The following ZNF525 variants were observed in gnomAD, a reference collection of about 807,000 sequenced individuals.
ZNF525 encodes zinc finger protein 525.
In ZNF525, 33 loss-of-function variants were observed where a neutral mutation model predicts 37.6. The observed-to-expected ratio is 0.88, with a 90% confidence interval of 0.67 to 1.17. The LOEUF (loss-of-function observed/expected upper bound fraction) is 1.17. Ranked by LOEUF, ZNF525 falls within the 50% of genes most tolerant of loss-of-function variation. The pLI, the probability that ZNF525 is intolerant of heterozygous loss-of-function variation, is 0.00. For synonymous variants in ZNF525, 170 were observed against 182.3 expected, an observed-to-expected ratio of 0.93 and a Z score of 0.54; for missense variants, 449 against 543.1, an observed-to-expected ratio of 0.83 and a Z score of 1.72.
In ZNF525 at chr19:53,382,283, C is replaced by T; in HGVS notation, c.*264C>T. On this transcript the variant is annotated 3_prime_UTR_variant, in exon 4 of 4. Coordinates refer to ENST00000474037, the MANE Select transcript of ZNF525 (RefSeq NM_001348156.2). ...TCAGTCATACATCATCCCTTACATG[C>T]CATCATAGACTTCATACTGGAGAGA... 2 of 1,432,888 alleles carry T rather than the reference C, an allele frequency of 1.4e-6. No individual in the cohort carries two copies. The highest frequency in any genetic ancestry group is 3.4e-5 in the Admixed American group (2 of 59,568). 88.8% of individuals were successfully genotyped at this position (1,432,888 alleles called of 1,614,324 possible). A position where few individuals can be genotyped will look rare whatever the true frequency, so the allele number is the denominator to read the frequency against.
intron 1 of ZNF525, among the ~76,000 whole-genome samples, chr19:53,370,678 A>G (rs1208406605): frequency 7.1e-6 from 1 of 141,508 alleles, no homozygotes; most frequent in Non-Finnish European, 1.6e-5. Context: ...GCAGTACCCC[A>G]AAAATGAAAA....
chr19:53,372,314 G>A lies in ZNF525; in HGVS notation c.15+18G>A, dbSNP rs745808322. 2 of 786,906 alleles carry A rather than the reference G, an allele frequency of 2.5e-6. No homozygotes were observed. Among genetic ancestry groups the A allele is most frequent in the South Asian group, 1.4e-5 (1 of 71,892 alleles). 48.7% of individuals were successfully genotyped at this position (786,906 alleles called of 1,614,324 possible). A position where few individuals can be genotyped will look rare whatever the true frequency, so the allele number is the denominator to read the frequency against. ...TTCCTCAGGTGAGACGATATTCTCAGTGGATTGTTCTGTCTCCTTCCTTTC... is the reference window on the plus strand; with the variant it reads ...TTCCTCAGGTGAGACGATATTCTCAATGGATTGTTCTGTCTCCTTCCTTTC... On this transcript the variant is annotated intron_variant, in intron 2 of 3. Coordinates refer to ENST00000474037, the MANE Select transcript of ZNF525 (RefSeq NM_001348156.2).
At chr19:53,376,660 C>T (rs914979977) in intron 3 of ZNF525, among the ~76,000 whole-genome samples, 1 of 152,162 alleles carries the variant, frequency 6.6e-6, no homozygotes, top group Non-Finnish European at 1.5e-5. Flanking sequence ...TCACCGCAGC[C>T]GGCTCCACAT....
In ZNF525 at chr19:53,383,118, G is replaced by A. The variant is rs2085579472; in HGVS notation, c.*1099G>A. ...TTTAATCAACAAGCACACCTTGCACGTCATCATAGAACTCATACTGGAGAG... is the reference window on the plus strand; with the variant it reads ...TTTAATCAACAAGCACACCTTGCACATCATCATAGAACTCATACTGGAGAG... On this transcript the variant is annotated 3_prime_UTR_variant, in exon 4 of 4. Transcript: ENST00000474037. The A allele has an allele frequency of 1.7e-5, 23 of 1,325,282 alleles. No individual in the cohort carries two copies. The highest frequency in any genetic ancestry group is 2.3e-5 in the South Asian group (2 of 85,632). 82.1% of individuals were successfully genotyped at this position (1,325,282 alleles called of 1,614,324 possible).
chr19:53,384,672 G>C lies in ZNF525; in HGVS notation c.*2653G>C, dbSNP rs1159683990. ...GCAAATCCACTGAATATGTTTGTTA[G>C]TTCCAGTACTATTTTGGTTGAGTCT... On this transcript the variant is annotated 3_prime_UTR_variant, in exon 4 of 4. Coordinates refer to ENST00000474037, the MANE Select transcript of ZNF525 (RefSeq NM_001348156.2). 3.4e-6 allele frequency: 1 copy of C among 297,216 alleles called. No homozygotes were observed. The highest frequency in any genetic ancestry group is 6.2e-5 in the East Asian group (1 of 16,010). 18.4% of individuals were successfully genotyped at this position (297,216 alleles called of 1,614,324 possible).
chr19:53,367,775 C>CTAT (rs1346253595), intron 1 of ZNF525, among the ~76,000 whole-genome samples: 65 of 152,272 alleles, frequency 4.3e-4, no homozygotes, highest in African/African-American at 1.5e-3. Context: ...ACTCCTCCTT[C>CTAT]CTAGGCTAGG....
rs2085593312 is a variant in ZNF525 at position 53,384,739 on chromosome 19, G to A, written c.*2720G>A. On this transcript the variant is annotated 3_prime_UTR_variant, in exon 4 of 4. Coordinates refer to ENST00000474037, the MANE Select transcript of ZNF525 (RefSeq NM_001348156.2). ...AAGGTCATGTCGTCTACAAACAAATGTAATTTTACTTCTTTCTTTCTGATT... is the reference window on the plus strand; with the variant it reads ...AAGGTCATGTCGTCTACAAACAAATATAATTTTACTTCTTTCTTTCTGATT... 1.5e-5 allele frequency: 7 copies of A among 467,874 alleles called. No individual in the cohort carries two copies. Among genetic ancestry groups the A allele is most frequent in the Middle Eastern group, 1.1e-3 (2 of 1,900 alleles). 29.0% of individuals were successfully genotyped at this position (467,874 alleles called of 1,614,324 possible).
chr19:53,369,414 G>A (rs930232342), intron 1 of ZNF525, among the ~76,000 whole-genome samples: 4 of 147,028 alleles, frequency 2.7e-5, no homozygotes, highest in Admixed American at 1.4e-4. Flanking sequence ...TTTTAGTAGA[G>A]ACGGGTTTCA....
chr19:53,366,802 G>GA lies in ZNF525; in HGVS notation c.-68+1043_-68+1044insA, dbSNP rs1251547861. 3.7e-4 allele frequency among the ~76,000 whole-genome samples: 55 copies of GA among 148,172 alleles called. 1 individual carries two copies. The highest frequency in any genetic ancestry group is 2.2e-4 in the Non-Finnish European group (15 of 67,488). ...GGGGTGCCAGAGAGTGGGGACAGGG[G>GA]GTATAACAGAGAAGAGAGAATTTAA... On this transcript the variant is annotated intron_variant, in intron 1 of 3. Coordinates refer to ENST00000474037, the MANE Select transcript of ZNF525 (RefSeq NM_001348156.2).
chr19:53,366,433 C>G (rs1417761127), intron 1 of ZNF525, among the ~76,000 whole-genome samples: 3 of 150,306 alleles, frequency 2.0e-5, no homozygotes, highest in Non-Finnish European at 4.4e-5. Context: ...GATCGGGAGA[C>G]AGACAGCAGT....
At chr19:53,374,579 G>A (rs191038478) in intron 2 of ZNF525, among the ~76,000 whole-genome samples, 2 of 152,222 alleles carry the variant, frequency 1.3e-5, no homozygotes, top group African/African-American at 2.4e-5. Context: ...GCCCCCAACC[G>A]CCAAAGTGTC....
chr19:53,383,124 A>G lies in ZNF525; in HGVS notation c.*1105A>G, dbSNP rs1445920501. 2 of 1,321,656 alleles carry G rather than the reference A, an allele frequency of 1.5e-6. No homozygotes were observed. Among genetic ancestry groups the G allele is most frequent in the South Asian group, 1.2e-5 (1 of 85,596 alleles). The allele number at this position is 1,321,656 out of a possible 1,614,324, so 81.9% of individuals were successfully genotyped here. On this transcript the variant is annotated 3_prime_UTR_variant, in exon 4 of 4. Coordinates refer to ENST00000474037, the MANE Select transcript of ZNF525 (RefSeq NM_001348156.2). ...CAACAAGCACACCTTGCACGTCATC[A>G]TAGAACTCATACTGGAGAGAAACAT...
chr19:53,381,271 G>A lies in ZNF525; in HGVS notation c.692G>A (p.Arg231Lys). ...GCCTTTAATTATAGCTCACTCTTAA[G>A]GAAACATCAGATTATTCATCTAGGA... is the stretch of plus-strand genomic sequence containing the variant. Reference protein sequence around the residue: ...GKAFNYSSLLRKHQIIHLGEK... With the variant: ...GKAFNYSSLLKKHQIIHLGEK... The change falls in exon 4 of 4, where the codon AGG becomes AAG. Residue 231 changes from arginine (R) to lysine (K), a missense_variant. By Grantham distance (26) the Arg-to-Lys change is conservative. This residue lies in a region of ZNF525 where 271 missense variants were observed against 381.6 expected (regional missense o/e 0.71). Transcript: ENST00000474037. 1 of 1,425,586 alleles carries A rather than the reference G, an allele frequency of 7.0e-7. No homozygotes were observed. The highest frequency in any genetic ancestry group is 9.9e-7 in the Non-Finnish European group (1 of 1,008,358). 88.3% of individuals were successfully genotyped at this position (1,425,586 alleles called of 1,614,324 possible).
intron 2 of ZNF525, 125 bp from the exon 3 acceptor site, chr19:53,375,645 T>A: frequency 3.7e-6 from 6 of 1,601,400 alleles, no homozygotes; most frequent in Non-Finnish European, 5.1e-6. Flanking sequence ...AAAAACCCCT[T>A]ACTCGGATTT....
In ZNF525 at chr19:53,375,843, G is replaced by A. The variant is rs751145167; in HGVS notation, c.89G>A (p.Arg30Lys). The change falls in exon 3 of 4, where the codon AGG becomes AAG. Residue 30 changes from arginine (R) to lysine (K), a missense_variant. This residue lies in a region of ZNF525 where 271 missense variants were observed against 381.6 expected (regional missense o/e 0.71). Coordinates refer to ENST00000474037, the MANE Select transcript of ZNF525 (RefSeq NM_001348156.2). ...TGGAAATGCCTGGACCCTGCTCAGA[G>A]GACTCTATACAGGGACGTGATGCTG... ...EEWKCLDPAQ[R>K]TLYRDVMLEN... The A allele has an allele frequency of 3.1e-6, 5 of 1,613,840 alleles. No homozygotes were observed. Among genetic ancestry groups the A allele is most frequent in the Non-Finnish European group, 1.7e-6 (2 of 1,179,928 alleles).
intron 3 of ZNF525, 134 bp downstream of exon 3, chr19:53,376,030 C>T (rs1568758602): frequency 2.6e-6 from 4 of 1,550,556 alleles, no homozygotes; most frequent in Non-Finnish European, 3.5e-6. Flanking sequence ...TCACTGCAAT[C>T]TTGAATTCCT....
chr19:53,371,396 G>A (rs897163568), intron 1 of ZNF525, among the ~76,000 whole-genome samples: 1 of 151,632 alleles, frequency 6.6e-6, no homozygotes, highest in South Asian at 2.1e-4. Flanking sequence ...GTTTAGTTTT[G>A]AGTCTCATTC....
intron 1 of ZNF525, 47 bp from the exon 2 acceptor site, chr19:53,372,168 G>A: frequency 1.6e-6 from 1 of 623,600 alleles, no homozygotes; most frequent in Admixed American, 2.6e-5. Context: ...TTACAGGGAG[G>A]GTGTGTGTTG....
intron 3 of ZNF525, among the ~76,000 whole-genome samples, chr19:53,378,815 G>T (rs2085539694): frequency 6.6e-6 from 1 of 152,198 alleles, no homozygotes; most frequent in African/African-American, 2.4e-5. Context: ...GGCCCCATCT[G>T]CAGGAACATC....
Sources: gnomAD v4.1 joint callset for allele counts (sites outside exome capture counted in the v4.1 genomes callset) on GRCh38, gnomAD v4.1.1 for gene constraint, gnomAD v4.1.1 regional missense constraint, MANE v1.5 for transcripts, NCBI Gene and HGNC (gene_info 2026-07-23, HGNC 2026-07-21) for gene names.